The following MMP26 variants were observed in gnomAD, a reference collection of about 807,000 sequenced individuals.
MMP26 encodes the protein matrix metallopeptidase 26.
Under a neutral mutation model 31.0 loss-of-function variants are expected in MMP26, and 33 were observed. The ratio of observed to expected loss-of-function variants is 1.06; its 90% confidence interval spans 0.81 to 1.42. The LOEUF is 1.42. Among genes scored for constraint, MMP26 ranks in the 40% most tolerant of loss-of-function variants. The pLI is 0.00. For synonymous variants in MMP26, 122 were observed against 114.9 expected, an observed-to-expected ratio of 1.06 and a Z score of -0.40; for missense variants, 347 against 316.1, an observed-to-expected ratio of 1.10 and a Z score of -0.74.
At chr11:4,946,748 A>G (rs765826844) in intron 2 of MMP26, 4 of 1,588,706 alleles carry the variant, frequency 2.5e-6, no homozygotes, top group African/African-American at 2.8e-5. Flanking sequence ...TGACATGATC[A>G]GGAGGACTGA....
chr11:4,934,341 T>C (rs74908835), intron 2 of MMP26, among the ~76,000 whole-genome samples: 1,495 of 140,762 alleles, frequency 0.011, 51 homozygotes, highest in African/African-American at 0.04. Context: ...TGAGCATTTT[T>C]TCATGTGTTT....
In MMP26 at chr11:4,922,878, C is replaced by T. The variant is rs547596807; in HGVS notation, c.-144-65190C>T. ...TTTAGTAAAGACTATCATGAAAAATCATTGCCTGGGGTGTGGATATAGATA... is the reference window on the plus strand; with the variant it reads ...TTTAGTAAAGACTATCATGAAAAATTATTGCCTGGGGTGTGGATATAGATA... On this transcript the variant is annotated intron_variant, in intron 2 of 7. Transcript: ENST00000380390. Among the ~76,000 whole-genome samples, 82 of 152,256 alleles carry T rather than the reference C, an allele frequency of 5.4e-4. 1 individual carries two copies. The highest frequency in any genetic ancestry group is 9.8e-4 in the Admixed American group (15 of 15,286).
chr11:4,991,557 TG>T, intron 6 of MMP26, 61 bp downstream of exon 6: 2 of 1,587,498 alleles, frequency 1.3e-6, no homozygotes, highest in East Asian at 2.3e-5. Flanking sequence ...TCAGTGTTGA[TG>T]GTTTCCATTT....
At chr11:4,757,284 A>G (rs1848516340) in intron 1 of MMP26, among the ~76,000 whole-genome samples, 1 of 152,150 alleles carries the variant, frequency 6.6e-6, no homozygotes, top group African/African-American at 2.4e-5. Flanking sequence ...TATGAAAAAA[A>G]ATAAATAACT....
intron 2 of MMP26, among the ~76,000 whole-genome samples, chr11:4,866,073 A>T (rs1850229765): frequency 6.6e-6 from 1 of 152,140 alleles, no homozygotes; most frequent in Non-Finnish European, 1.5e-5. Flanking sequence ...GGGATTTAAC[A>T]GCTATTTCTG....
rs1344687979 is a variant in MMP26 at position 4,952,668 on chromosome 11, T to C, written c.-144-35400T>C. On this transcript the variant is annotated intron_variant, in intron 2 of 7. Transcript: ENST00000380390. Reference sequence around the variant, plus strand: ...TTGAATCCCAGCTTTTGATTTCCTCTCTGTGTGAGTTTCATAAAATCAAAC... The same window carrying C: ...TTGAATCCCAGCTTTTGATTTCCTCCCTGTGTGAGTTTCATAAAATCAAAC... Among the ~76,000 whole-genome samples the C allele has an allele frequency of 2.4e-5, 3 of 125,500 alleles. 1 individual carries two copies. Among genetic ancestry groups the C allele is most frequent in the Admixed American group, 8.9e-5 (1 of 11,250 alleles). 82.3% of individuals were successfully genotyped at this position (125,500 alleles called of 152,430 possible). A position where few individuals can be genotyped will look rare whatever the true frequency, so the allele number is the denominator to read the frequency against.
At chr11:4,871,227 AAG>A (rs1405776810) in intron 2 of MMP26, among the ~76,000 whole-genome samples, 1 of 152,080 alleles carries the variant, frequency 6.6e-6, no homozygotes, top group Non-Finnish European at 1.5e-5. Context: ...TGGTGTGAAA[AAG>A]AACATTCACT....
chr11:4,821,659 C>G, intron 2 of MMP26: 4 of 1,614,100 alleles, frequency 2.5e-6, no homozygotes, highest in Non-Finnish European at 3.4e-6. Flanking sequence ...CCTGTGTACA[C>G]TTTCTACTAC....
At chr11:4,847,035 T>C (rs990965172) in intron 2 of MMP26, among the ~76,000 whole-genome samples, 6 of 152,242 alleles carry the variant, frequency 3.9e-5, no homozygotes, top group Non-Finnish European at 2.9e-5. Flanking sequence ...GTTTGCACCA[T>C]GTACCTCCTT....
chr11:4,773,378 A>T (rs900350052), intron 2 of MMP26, among the ~76,000 whole-genome samples: 2 of 152,234 alleles, frequency 1.3e-5, no homozygotes, highest in African/African-American at 4.8e-5. Flanking sequence ...ACCAGCCAAG[A>T]ACTGAACATG....
chr11:4,851,033 T>A (rs530606055), intron 2 of MMP26, among the ~76,000 whole-genome samples: 1 of 152,090 alleles, frequency 6.6e-6, no homozygotes, highest in South Asian at 2.1e-4. Context: ...TGTGATGGAG[T>A]GAGGAGGCTA....
chr11:4,819,468 C>T (rs969117393), intron 2 of MMP26, among the ~76,000 whole-genome samples: 4 of 148,796 alleles, frequency 2.7e-5, no homozygotes, highest in Admixed American at 2.0e-4. Context: ...TTAAGAGAGA[C>T]TGGTATCATA....
chr11:4,829,334 C>T (rs537670428), intron 2 of MMP26, among the ~76,000 whole-genome samples: 1 of 152,274 alleles, frequency 6.6e-6, no homozygotes, highest in South Asian at 2.1e-4. Flanking sequence ...CCAACTCCAT[C>T]ACATCACCTC....
intron 2 of MMP26, among the ~76,000 whole-genome samples, chr11:4,773,579 G>T (rs975086491): frequency 6.7e-6 from 1 of 150,096 alleles, no homozygotes; most frequent in Non-Finnish European, 1.5e-5. Flanking sequence ...GAATTCAGAG[G>T]TGTAGTGTTT....
At chr11:4,960,148 G>T (rs1424885552) in intron 2 of MMP26, among the ~76,000 whole-genome samples, 1 of 148,300 alleles carries the variant, frequency 6.7e-6, no homozygotes, top group African/African-American at 2.5e-5. Flanking sequence ...AAATGGACAT[G>T]GCATAATGGG....
At chr11:4,719,522 C>G (rs764804740) in intron 1 of MMP26, 1 of 153,728 alleles carries the variant, frequency 6.5e-6, no homozygotes, top group Non-Finnish European at 1.5e-5. Context: ...ATACGCTAGG[C>G]TGTGCTAAAA....
At chr11:4,917,149 A>T (rs1324074675) in intron 2 of MMP26, among the ~76,000 whole-genome samples, 1 of 59,332 alleles carries the variant, frequency 1.7e-5, no homozygotes, top group Non-Finnish European at 3.5e-5. Context: ...GATGCCAAGA[A>T]TGTTTTTTTG....
At chr11:4,991,701 T>A (rs375864987) in intron 6 of MMP26, among the ~76,000 whole-genome samples, 1 of 152,270 alleles carries the variant, frequency 6.6e-6, no homozygotes, top group Admixed American at 6.5e-5. Context: ...ATTGTGTTTT[T>A]TTCTCCTTAT....
intron 2 of MMP26, among the ~76,000 whole-genome samples, chr11:4,963,970 C>T (rs1846556066): frequency 6.6e-6 from 1 of 151,742 alleles, no homozygotes; most frequent in African/African-American, 2.4e-5. Context: ...TGATTTTTTT[C>T]TTGTAAATTT....
Sources: allele counts gnomAD v4.1 joint callset (sites outside exome capture counted in the v4.1 genomes callset), GRCh38; gene constraint gnomAD v4.1.1; transcripts MANE v1.5; gene names NCBI Gene and HGNC (gene_info 2026-07-23, HGNC 2026-07-21).